HTR7: variants seen among roughly 807,000 people sequenced by gnomAD.
HTR7 encodes 5-hydroxytryptamine receptor 7.
Under a neutral mutation model 34.0 loss-of-function variants are expected in HTR7, and 16 were observed. That is an observed-to-expected ratio of 0.47 (90% CI 0.32 to 0.71). The LOEUF (loss-of-function observed/expected upper bound fraction) is 0.71, where lower values mean the gene tolerates loss of function less well. Ranked by LOEUF, HTR7 falls within the 30% of genes least tolerant of loss-of-function variation. The pLI is 0.04. For missense variants in HTR7, 504 were observed against 625.5 expected (o/e 0.81, Z 2.07); for synonymous variants, 265 against 260.2 (o/e 1.02, Z -0.18).
chr10:90,840,085 T>G (rs773332986), intron 1 of HTR7, among the ~76,000 whole-genome samples: 2 of 151,292 alleles, frequency 1.3e-5, no homozygotes, highest in African/African-American at 2.4e-5. Flanking sequence ...CACCACCATC[T>G]TCTCTAACTT....
In HTR7 at chr10:90,857,845, C is replaced by A. The variant is rs1846620408; in HGVS notation, c.-174G>T. 3.5e-6 allele frequency: 2 copies of A among 565,986 alleles called. No individual in the cohort carries two copies. The allele number at this position is 565,986 out of a possible 1,614,324, so 35.1% of individuals were successfully genotyped here. A position where few individuals can be genotyped will look rare whatever the true frequency, so the allele number is the denominator to read the frequency against. ...CGGAGCCCCGCACTCCCCGGACCCCCGGCCGCTGCGGGTAACGCGGCAGCG... is the reference window on the plus strand; with the variant it reads ...CGGAGCCCCGCACTCCCCGGACCCCAGGCCGCTGCGGGTAACGCGGCAGCG... On this transcript the variant is annotated 5_prime_UTR_variant, in exon 1 of 4. Transcript: ENST00000336152. The surrounding 1 kb of genome is among the most constrained non-coding windows in gnomAD (Gnocchi z 6.5).
rs745978432 is a variant in HTR7, at chr10:90,742,475, T to C, written c.*7A>G. ...GCCTTGTTTATTTCATCTCCATTGT[T>C]CTGCTTTCAATCATGAATCATGACC... On this transcript the variant is annotated 3_prime_UTR_variant, in exon 4 of 4. Coordinates refer to ENST00000336152, the MANE Select transcript of HTR7 (RefSeq NM_019859.4). 6.9e-6 allele frequency: 11 copies of C among 1,600,268 alleles called. No individual in the cohort carries two copies. In the East Asian group the frequency reaches 2.2e-4, roughly 32 times the overall value.
At chr10:90,802,922 A>C (rs1845651027) in intron 1 of HTR7, among the ~76,000 whole-genome samples, 1 of 149,586 alleles carries the variant, frequency 6.7e-6, no homozygotes, top group African/African-American at 2.5e-5. Flanking sequence ...TTGTGTGTAG[A>C]TGACCAGCTG....
chr10:90,836,138 A>T (rs1348132223), intron 1 of HTR7, among the ~76,000 whole-genome samples: 1 of 152,112 alleles, frequency 6.6e-6, no homozygotes, highest in African/African-American at 2.4e-5. Context: ...CAGCATCTGA[A>T]CTCGATTATT....
chr10:90,800,247 A>G (rs1010768289), intron 1 of HTR7, among the ~76,000 whole-genome samples: 6 of 152,226 alleles, frequency 3.9e-5, no homozygotes, highest in Non-Finnish European at 8.8e-5. Context: ...GTTTTCTTAG[A>G]AAGTCAAACA....
chr10:90,808,446 G>A (rs1845738777), intron 1 of HTR7, among the ~76,000 whole-genome samples: 1 of 152,228 alleles, frequency 6.6e-6, no homozygotes, highest in South Asian at 2.1e-4. Context: ...TGGGGGAGGG[G>A]CAAGTACCCC....
chr10:90,821,957 C>T (rs1473455733), intron 1 of HTR7, among the ~76,000 whole-genome samples: 1 of 152,170 alleles, frequency 6.6e-6, no homozygotes, highest in Non-Finnish European at 1.5e-5. Context: ...GCCTCCTGTA[C>T]AGCCTTTGGA....
chr10:90,754,982 A>C (rs11186300), intron 1 of HTR7, among the ~76,000 whole-genome samples: 94,172 of 151,974 alleles, frequency 0.62, 31,042 homozygotes, highest in African/African-American at 0.87. Flanking sequence ...GCCAGATTAT[A>C]AGAATCACTC....
At chr10:90,810,353 G>A (rs897668036) in intron 1 of HTR7, among the ~76,000 whole-genome samples, 2 of 151,762 alleles carry the variant, frequency 1.3e-5, no homozygotes, top group African/African-American at 4.8e-5. Flanking sequence ...CTTGGTGACC[G>A]ATCATGCAAC....
chr10:90,846,534 C>T (rs1429809925), intron 1 of HTR7, among the ~76,000 whole-genome samples: 1 of 152,214 alleles, frequency 6.6e-6, no homozygotes, highest in Admixed American at 6.5e-5. Flanking sequence ...TTCCAGCATA[C>T]TGCTCCTCTT....
intron 1 of HTR7, among the ~76,000 whole-genome samples, chr10:90,814,124 A>G (rs1845860667): frequency 6.6e-6 from 1 of 152,198 alleles, no homozygotes; most frequent in African/African-American, 2.4e-5. Context: ...AACCTCAGGT[A>G]TTTACTCCAG....
At chr10:90,798,619 T>C (rs551711764) in intron 1 of HTR7, among the ~76,000 whole-genome samples, 63 of 152,138 alleles carry the variant, frequency 4.1e-4, no homozygotes, top group African/African-American at 1.4e-3. Context: ...GGGACCAAGG[T>C]GGGAGGATCT....
rs34541100 is a variant in HTR7, at chr10:90,857,110, G to A, written c.539+23C>T. ...CCAGCCGGTCCCCAGCCGGAGCCTGGGACGGGGCGGTCCGGCCCTTACCTG... is the reference window on the plus strand; with the variant it reads ...CCAGCCGGTCCCCAGCCGGAGCCTGAGACGGGGCGGTCCGGCCCTTACCTG... On this transcript the variant is annotated intron_variant, in intron 1 of 3. Transcript: ENST00000336152. This position sits in a 1 kb window ranked among gnomAD's most constrained non-coding sequence, Gnocchi z 6.5. 4.1e-4 allele frequency: 619 copies of A among 1,521,414 alleles called. 1 individual carries two copies. The highest frequency in any genetic ancestry group is 5.4e-4 in the Non-Finnish European group (607 of 1,130,448). 94.2% of individuals were successfully genotyped at this position (1,521,414 alleles called of 1,614,324 possible). A position where few individuals can be genotyped will look rare whatever the true frequency, so the allele number is the denominator to read the frequency against.
rs751101780 is a variant in HTR7, at chr10:90,857,555, C to G, written c.117G>C (p.Pro39=). ...GGTGCGGCGCCCAGGAGCCCGCGAC[C>G]GGGTCGGCGCCACCGTCGGGGCTCA... is the stretch of plus-strand genomic sequence containing the variant. The part of the protein sequence containing the change: ...PDLSPDGGAD[P]VAGSWAPHLL... The change falls in exon 1 of 4, where the codon CCG becomes CCC. Residue 39 remains proline (P), a synonymous_variant. Transcript: ENST00000336152. The surrounding 1 kb of genome is among the most constrained non-coding windows in gnomAD (Gnocchi z 6.5). The G allele has an allele frequency of 1.3e-6, 2 of 1,597,296 alleles. No homozygotes were observed. Among genetic ancestry groups the G allele is most frequent in the Non-Finnish European group, 1.7e-6 (2 of 1,173,096 alleles).
chr10:90,808,358 A>AC (rs1845736622), intron 1 of HTR7, among the ~76,000 whole-genome samples: 1 of 149,398 alleles, frequency 6.7e-6, no homozygotes, highest in Non-Finnish European at 1.5e-5. Context: ...CCATGTCTCT[A>AC]CCTCTTCTCC....
At chr10:90,786,441 T>A (rs1052078851) in intron 1 of HTR7, among the ~76,000 whole-genome samples, 3 of 152,200 alleles carry the variant, frequency 2.0e-5, no homozygotes, top group Admixed American at 2.0e-4. Flanking sequence ...AGCTAACACT[T>A]CCACGTGTAT....
At chr10:90,745,390 T>C (rs566981222) in intron 2 of HTR7, among the ~76,000 whole-genome samples, 9 of 152,300 alleles carry the variant, frequency 5.9e-5, no homozygotes, top group Admixed American at 5.2e-4. Context: ...ATGAGGGCCC[T>C]GCCCCCATGA....
chr10:90,749,685 C>T lies in HTR7; in HGVS notation c.540-91G>A. ...TGCCAGCCAGGTACCAGCGCCAGTC[C>T]TCGCAACAGCCCTTCTAGGTAGGCA... is the stretch of plus-strand genomic sequence containing the variant. On this transcript the variant is annotated intron_variant, in intron 1 of 3. Transcript: ENST00000336152. The surrounding 1 kb of genome is among the most constrained non-coding windows in gnomAD (Gnocchi z 4.2). The T allele has an allele frequency of 8.4e-7, 1 of 1,192,638 alleles. No homozygotes were observed. The highest frequency in any genetic ancestry group is 1.2e-6 in the Non-Finnish European group (1 of 842,688). The allele number at this position is 1,192,638 out of a possible 1,614,324, so 73.9% of individuals were successfully genotyped here.
chr10:90,853,657 C>T (rs1422716961), intron 1 of HTR7, among the ~76,000 whole-genome samples: 1 of 151,970 alleles, frequency 6.6e-6, no homozygotes, highest in Admixed American at 6.6e-5. Context: ...CACAAGGGAA[C>T]TTTCTTGGAT....
Sources: gnomAD v4.1 joint callset for allele counts (sites outside exome capture counted in the v4.1 genomes callset) on GRCh38, gnomAD v4.1.1 for gene constraint, Gnocchi (gnomAD v3.1) non-coding constraint, MANE v1.5 for transcripts, NCBI Gene and HGNC (gene_info 2026-07-23, HGNC 2026-07-21) for gene names.